LEPROTL1: variants seen among roughly 807,000 people sequenced by gnomAD.
LEPROTL1 encodes the protein leptin receptor overlapping transcript-like 1.
In LEPROTL1, 6 loss-of-function variants were observed where a neutral mutation model predicts 15.4. That is an observed-to-expected ratio of 0.39 (90% CI 0.21 to 0.77). The LOEUF is 0.77. Ranked by LOEUF, LEPROTL1 falls within the 30% of genes least tolerant of loss-of-function variation. The pLI is 0.41. For synonymous variants in LEPROTL1, 56 were observed against 52.6 expected (o/e 1.06, Z -0.28); for missense variants, 128 against 158.1 (o/e 0.81, Z 1.02).
chr8:30,112,566 A>G (rs927686817), downstream of LEPROTL1, among the ~76,000 whole-genome samples: 6 of 150,992 alleles, frequency 4.0e-5, no homozygotes, highest in African/African-American at 1.5e-4. Context: ...GGCCTTTGTA[A>G]CCATTTTCTA....
intron 1 of LEPROTL1, chr8:30,096,419 C>T (rs1379898914): frequency 1.0e-6 from 1 of 984,548 alleles, no homozygotes; most frequent in Non-Finnish European, 1.2e-6. Context: ...AGGCAGGAAG[C>T]AGGTAACTTT....
At chr8:30,105,724 T>A in intron 3 of LEPROTL1, 22 bp from the exon 4 acceptor site, 1 of 1,595,204 alleles carries the variant, frequency 6.3e-7, no homozygotes, top group Non-Finnish European at 8.5e-7. Context: ...GCCTGTTGAC[T>A]GAGTGTATCT....
intron 3 of LEPROTL1, among the ~76,000 whole-genome samples, chr8:30,115,868 A>G (rs1802733658): frequency 6.6e-6 from 1 of 152,202 alleles, no homozygotes; most frequent in Non-Finnish European, 1.5e-5. Context: ...CCCAGGTAGT[A>G]CATATGAAAA....
chr8:30,098,063 C>G (rs1237469444), intron 1 of LEPROTL1, among the ~76,000 whole-genome samples: 1 of 152,058 alleles, frequency 6.6e-6, no homozygotes, highest in Non-Finnish European at 1.5e-5. Context: ...CGGAGATTAC[C>G]GTGAACATGC....
intron 3 of LEPROTL1, among the ~76,000 whole-genome samples, chr8:30,115,733 G>A (rs1228733357): frequency 1.3e-5 from 2 of 151,686 alleles, no homozygotes; most frequent in South Asian, 2.1e-4. Context: ...GTGGGAAGGG[G>A]CATTATTCTC....
At chr8:30,113,119 A>AT (rs1307522717), downstream of LEPROTL1, among the ~76,000 whole-genome samples, 4 of 151,342 alleles carry the variant, frequency 2.6e-5, no homozygotes, top group Admixed American at 1.3e-4. Flanking sequence ...AAAAAAAAAA[A>AT]AAAAAAATTA....
Position 30,107,866 on chromosome 8 carries a change from C to T in LEPROTL1, c.*2004C>T, listed in dbSNP as rs146179371. The T allele has an allele frequency of 7.4e-5, 73 of 985,056 alleles. No homozygotes were observed. Among genetic ancestry groups the T allele is most frequent in the Non-Finnish European group, 7.5e-5 (62 of 829,662 alleles). 61.0% of individuals were successfully genotyped at this position (985,056 alleles called of 1,614,324 possible). On this transcript the variant is annotated 3_prime_UTR_variant, in exon 4 of 4. Transcript: ENST00000321250. Reference sequence around the variant, plus strand: ...GGCCACAGACTTTTTCTAACAGCTGCGTATTATTTCTATATACTAACTGCA... The same window carrying T: ...GGCCACAGACTTTTTCTAACAGCTGTGTATTATTTCTATATACTAACTGCA...
In LEPROTL1 at chr8:30,129,717, A is replaced by T. The variant is rs1030900785; in HGVS notation, c.280-2658A>T. Reference sequence around the variant, plus strand: ...GTGACAGAGTGAGACCCTGTCACACACACACACACACACACACACACACAC... The same window carrying T: ...GTGACAGAGTGAGACCCTGTCACACTCACACACACACACACACACACACAC... On this transcript the variant is annotated intron_variant, in intron 3 of 4. Coordinates refer to the LEPROTL1 transcript ENST00000442880. Among the ~76,000 whole-genome samples the T allele has an allele frequency of 3.7e-3, 479 of 131,128 alleles. 2 individuals carry two copies. Among genetic ancestry groups the T allele is most frequent in the African/African-American group, 0.016 (459 of 29,282 alleles). 86.0% of individuals were successfully genotyped at this position (131,128 alleles called of 152,430 possible). A position where few individuals can be genotyped will look rare whatever the true frequency, so the allele number is the denominator to read the frequency against.
intron 3 of LEPROTL1, among the ~76,000 whole-genome samples, chr8:30,127,801 A>G (rs1162708531): frequency 6.6e-6 from 1 of 151,892 alleles, no homozygotes; most frequent in African/African-American, 2.4e-5. Flanking sequence ...AGAGAAGGAA[A>G]ACATCAAATC....
At chr8:30,109,710 C>CA (rs796098049), downstream of LEPROTL1, among the ~76,000 whole-genome samples, 1 of 151,848 alleles carries the variant, frequency 6.6e-6, no homozygotes, top group South Asian at 2.1e-4. Flanking sequence ...GGAAAGTGGT[C>CA]AAGAAAAAAA....
chr8:30,128,408 T>G (rs1269640437), intron 3 of LEPROTL1, among the ~76,000 whole-genome samples: 2 of 152,100 alleles, frequency 1.3e-5, no homozygotes. Flanking sequence ...TTTTTTAAAT[T>G]TAACATTCCT....
chr8:30,117,428 T>G, intron 3 of LEPROTL1: 4 of 1,528,450 alleles, frequency 2.6e-6, no homozygotes, highest in Non-Finnish European at 3.6e-6. Flanking sequence ...TGTTTTCATC[T>G]TGCTTCTTCA....
chr8:30,137,820 C>A, downstream of LEPROTL1: 1 of 318,648 alleles, frequency 3.1e-6, no homozygotes, highest in South Asian at 4.0e-5. Flanking sequence ...AACAAATTAG[C>A]CGAAAGATTA....
At chr8:30,103,856 AT>A (rs560336061) in intron 2 of LEPROTL1, among the ~76,000 whole-genome samples, 38 of 152,138 alleles carry the variant, frequency 2.5e-4, no homozygotes, top group African/African-American at 8.7e-4. Flanking sequence ...AAGGGCATCT[AT>A]TTCTTTTTAA....
chr8:30,120,543 G>A (rs892050979), intron 3 of LEPROTL1, among the ~76,000 whole-genome samples: 3 of 151,800 alleles, frequency 2.0e-5, no homozygotes, highest in Non-Finnish European at 2.9e-5. Context: ...GTTTAATTTT[G>A]TTTCTGAGAT....
chr8:30,137,855 A>G (rs1021139740), downstream of LEPROTL1: 2 of 270,538 alleles, frequency 7.4e-6, no homozygotes, highest in Admixed American at 1.0e-4. Context: ...GGAGTCATGC[A>G]GCTGGAGATG....
In LEPROTL1 at chr8:30,104,379, G is replaced by C. The variant is rs1281752698; in HGVS notation, c.172G>C (p.Asp58His). 1 of 1,611,138 alleles carries C rather than the reference G, an allele frequency of 6.2e-7. No individual in the cohort carries two copies. Among genetic ancestry groups the C allele is most frequent in the Non-Finnish European group, 8.5e-7 (1 of 1,178,164 alleles). ...CTGCATAGCAAGAAGATTAGTGGAT[G>C]ATACAGATGCTATGAGTAACGCTTG... ...PYCIARRLVD[D>H]TDAMSNACKE... Residue 58 changes from aspartate (D) to histidine (H), a missense_variant, in exon 3 of 4, where the codon GAT becomes CAT. Asp to His is a moderately conservative substitution (Grantham distance 81). Transcript: ENST00000321250.
At chr8:30,116,197 G>A (rs751433634) in intron 3 of LEPROTL1, among the ~76,000 whole-genome samples, 23 of 152,144 alleles carry the variant, frequency 1.5e-4, no homozygotes, top group Non-Finnish European at 2.5e-4. Context: ...CTGTGATCAT[G>A]CCACTGTGTT....
At chr8:30,131,772 G>C (rs1803019954) in intron 3 of LEPROTL1, 5 of 715,678 alleles carry the variant, frequency 7.0e-6, no homozygotes, top group Admixed American at 3.2e-5. Flanking sequence ...CAGCAGAATA[G>C]CTTGCTAAAG....
Sources: allele counts gnomAD v4.1 joint callset (sites outside exome capture counted in the v4.1 genomes callset), GRCh38; gene constraint gnomAD v4.1.1; transcripts MANE v1.5; gene names NCBI Gene and HGNC (gene_info 2026-07-23, HGNC 2026-07-21).